The following PDE1C variants were observed in gnomAD, a reference collection of about 807,000 sequenced individuals.
The protein encoded by PDE1C is dual specificity calcium/calmodulin-dependent 3',5'-cyclic nucleotide phosphodiesterase 1C.
A neutral mutation model predicts 93.1 loss-of-function variants in PDE1C; 62 were observed. The observed-to-expected ratio is 0.67, with a 90% CI of 0.54 to 0.82. The LOEUF is 0.82. PDE1C is among the 40% of genes least tolerant of loss of function. PDE1C has a pLI of 0.00. For missense variants in PDE1C, 742 were observed against 884.6 expected (o/e 0.84, Z 2.04); for synonymous variants, 325 against 310.1 (o/e 1.05, Z -0.50).
At chr7:32,167,619 T>G (rs1860219) in intron 3 of PDE1C, among the ~76,000 whole-genome samples, 151,673 of 152,270 alleles carry the variant, frequency 1, 75,543 homozygotes, top group Middle Eastern at 1. Flanking sequence ...GGGGTCCCTG[T>G]GAATAGTGAG....
chr7:31,905,459 T>C (rs990163712), intron 2 of PDE1C, among the ~76,000 whole-genome samples: 3 of 152,190 alleles, frequency 2.0e-5, no homozygotes, highest in Non-Finnish European at 4.4e-5. Context: ...GATTATCTTG[T>C]ATAAAGAATC....
chr7:31,901,057 A>G (rs1485534401), intron 2 of PDE1C, among the ~76,000 whole-genome samples: 1 of 151,538 alleles, frequency 6.6e-6, no homozygotes, highest in Non-Finnish European at 1.5e-5. Context: ...AGCCAGGATT[A>G]TATTTACTGA....
At chr7:31,963,086 T>A (rs188511838) in intron 2 of PDE1C, among the ~76,000 whole-genome samples, 1 of 152,184 alleles carries the variant, frequency 6.6e-6, no homozygotes, top group Admixed American at 6.5e-5. Context: ...TTAGAAAAAT[T>A]AGAAAATACA....
chr7:32,329,560 A>G (rs975794194), intron 1 of PDE1C, among the ~76,000 whole-genome samples: 13 of 152,130 alleles, frequency 8.5e-5, no homozygotes, highest in Non-Finnish European at 1.6e-4. Context: ...ACTTCCATTC[A>G]TTTGTCCAGT....
At chr7:31,831,698 G>A (rs1249763035) in intron 11 of PDE1C, among the ~76,000 whole-genome samples, 1 of 152,052 alleles carries the variant, frequency 6.6e-6, no homozygotes, top group Non-Finnish European at 1.5e-5. Context: ...GAAGAAAAGA[G>A]AGGAGGAGGA....
chr7:32,425,386 A>G (rs1442921760), intron 1 of PDE1C, among the ~76,000 whole-genome samples: 1 of 152,202 alleles, frequency 6.6e-6, no homozygotes, highest in East Asian at 1.9e-4. Flanking sequence ...CTCTTTTCAA[A>G]AAGATCAAAA....
intron 2 of PDE1C, among the ~76,000 whole-genome samples, chr7:31,964,104 G>T (rs150523542): frequency 6.6e-6 from 1 of 152,386 alleles, no homozygotes; most frequent in East Asian, 1.9e-4. Context: ...GTGCCAGAAA[G>T]TGGGGCAAGA....
intron 1 of PDE1C, among the ~76,000 whole-genome samples, chr7:32,282,218 T>C (rs997819309): frequency 7.3e-5 from 11 of 151,428 alleles, no homozygotes; most frequent in African/African-American, 2.7e-4. Context: ...GGCTCACACC[T>C]GTAATCCCAG....
intron 2 of PDE1C, among the ~76,000 whole-genome samples, chr7:31,964,582 C>T (rs1277533459): frequency 1.3e-5 from 2 of 152,182 alleles, no homozygotes; most frequent in Admixed American, 1.3e-4. Context: ...CTTGAATGTC[C>T]CTGTCTGTCA....
intron 2 of PDE1C, among the ~76,000 whole-genome samples, chr7:32,201,382 T>C (rs576544050): frequency 1.1e-3 from 160 of 152,236 alleles, no homozygotes; most frequent in African/African-American, 3.6e-3. Context: ...TTACATTACA[T>C]ACAAAAAAAA....
chr7:31,641,353 A>T, the PDE1C span, among the ~76,000 whole-genome samples: 1 of 152,168 alleles, frequency 6.6e-6, no homozygotes, highest in Non-Finnish European at 1.5e-5. Context: ...CCCAGGACAG[A>T]CAAGGCTCCT....
intron 3 of PDE1C, among the ~76,000 whole-genome samples, chr7:32,132,490 T>C (rs557365924): frequency 9.6e-4 from 145 of 151,690 alleles, no homozygotes; most frequent in African/African-American, 3.2e-3. Context: ...TGAAACCCCA[T>C]ATCTACAAAA....
upstream of PDE1C, chr7:32,299,469 A>C: frequency 1.0e-6 from 1 of 959,882 alleles, no homozygotes; most frequent in Non-Finnish European, 1.2e-6. Context: ...GAAATGTACA[A>C]TCGAATTAGA....
At chr7:32,163,462 C>T (rs558341980) in intron 3 of PDE1C, among the ~76,000 whole-genome samples, 5 of 152,284 alleles carry the variant, frequency 3.3e-5, no homozygotes, top group South Asian at 2.1e-4. Flanking sequence ...TAATCTCATC[C>T]GTAGCTGAGG....
intron 7 of PDE1C, among the ~76,000 whole-genome samples, chr7:31,853,873 C>A (rs1023832777): frequency 2.5e-5 from 3 of 121,882 alleles, no homozygotes; most frequent in African/African-American, 6.1e-5. Flanking sequence ...CTGCCATGCC[C>A]AGCTATTTTT....
In PDE1C at chr7:31,908,418, C is replaced by T. The variant is rs192527461; in HGVS notation, c.129-27558G>A. 2.6e-4 allele frequency among the ~76,000 whole-genome samples: 39 copies of T among 152,232 alleles called. No homozygotes were observed. In the East Asian group the frequency reaches 6.2e-3, roughly 24 times the overall value. On this transcript the variant is annotated intron_variant, in intron 2 of 17. Transcript: ENST00000396191. ...AAAACGCCCCTCCACAGTAAGGGTG[C>T]GTGAGTACTCTGGTTCCAGCGTATG...
chr7:32,306,180 T>C (rs1812998407), intron 1 of PDE1C, among the ~76,000 whole-genome samples: 1 of 152,182 alleles, frequency 6.6e-6, no homozygotes, highest in South Asian at 2.1e-4. Flanking sequence ...TGGAAATGTG[T>C]GTCCGTTAAA....
At position 32,083,176 on chromosome 7, in the gene PDE1C, G is replaced by A. The variant is rs1796824986; in HGVS notation, c.308+86609C>T. 3.3e-5 allele frequency among the ~76,000 whole-genome samples: 5 copies of A among 152,274 alleles called. No homozygotes were observed. The South Asian group carries it at 1.0e-3, about 32-fold the overall frequency. The stretch of plus-strand genomic sequence containing the variant: ...TGCTTAAAGGAGGATGAAGCTGAAA[G>A]CCAAGGCTTGAGAACTACGTGAAGA... On this transcript the variant is annotated intron_variant, in intron 3 of 18. Transcript: ENST00000396193.
At chr7:31,967,149 C>CA (rs1459081341) in intron 2 of PDE1C, among the ~76,000 whole-genome samples, 2 of 152,094 alleles carry the variant, frequency 1.3e-5, no homozygotes, top group African/African-American at 4.8e-5. Context: ...AAAAACCCTT[C>CA]AAAAAATCAA....
Sources: gnomAD v4.1 joint callset for allele counts (sites outside exome capture counted in the v4.1 genomes callset) on GRCh38, gnomAD v4.1.1 for gene constraint, MANE v1.5 for transcripts, NCBI Gene and HGNC (gene_info 2026-07-23, HGNC 2026-07-21) for gene names.